Variants in DAB1 observed in about 807,000 individuals in gnomAD.
The protein encoded by DAB1 is DAB adaptor protein 1.
DAB1 carries 15 observed loss-of-function variants against 64.6 expected under a neutral mutation model. The ratio of observed to expected loss-of-function variants is 0.23; its 90% CI spans 0.16 to 0.36. The LOEUF is 0.36. DAB1 is among the 10% of genes least tolerant of loss of function. The probability of loss-of-function intolerance (pLI) is 1.00; values close to 1 mark genes in which losing one functional copy is unlikely to be tolerated. For missense variants in DAB1, 596 were observed against 706.7 expected, an observed-to-expected ratio of 0.84 and a Z score of 1.78; for synonymous variants, 235 against 251.9, an observed-to-expected ratio of 0.93 and a Z score of 0.64.
intron 2 of DAB1, among the ~76,000 whole-genome samples, chr1:57,265,336 A>C (rs1413614831): frequency 6.6e-6 from 1 of 152,074 alleles, no homozygotes; most frequent in Non-Finnish European, 1.5e-5. Flanking sequence ...TTATGGACCT[A>C]ATTGTCAGTT....
At chr1:58,303,081 C>T (rs147738145) in intron 4 of DAB1, among the ~76,000 whole-genome samples, 14 of 152,248 alleles carry the variant, frequency 9.2e-5, no homozygotes, top group Admixed American at 5.2e-4. Context: ...AAGAGGAAGA[C>T]GCTGGAAATT....
intron 4 of DAB1, among the ~76,000 whole-genome samples, chr1:58,304,345 A>G (rs942028857): frequency 4.6e-5 from 7 of 152,172 alleles, no homozygotes; most frequent in Non-Finnish European, 1.0e-4. Flanking sequence ...TCTTAAAACA[A>G]AAGTTCCTAA....
At chr1:57,128,155 AT>A (rs1262443462) in intron 4 of DAB1, among the ~76,000 whole-genome samples, 1 of 79,164 alleles carries the variant, frequency 1.3e-5, no homozygotes, top group African/African-American at 1.0e-4. Context: ...AAAAATAAAA[AT>A]AAATAAATAA....
chr1:58,529,847 T>C (rs9660901), intron 1 of DAB1, among the ~76,000 whole-genome samples: 88,441 of 152,120 alleles, frequency 0.58, 27,984 homozygotes, highest in East Asian at 0.82. Context: ...TGAGAGGATG[T>C]GCATAGTTAC....
intron 7 of DAB1, among the ~76,000 whole-genome samples, chr1:57,608,330 C>G (rs549417376): frequency 6.6e-6 from 1 of 152,216 alleles, no homozygotes; most frequent in African/African-American, 2.4e-5. Flanking sequence ...GATTTTCTCT[C>G]CCATGTGTAA....
At chr1:58,009,808 G>T (rs1208841490) in intron 5 of DAB1, among the ~76,000 whole-genome samples, 2 of 152,008 alleles carry the variant, frequency 1.3e-5, no homozygotes, top group Non-Finnish European at 2.9e-5. Context: ...GAAACTCAAG[G>T]TTTAGTGAAT....
At chr1:57,011,571 C>T (rs1646267476) in intron 12 of DAB1, among the ~76,000 whole-genome samples, 1 of 152,204 alleles carries the variant, frequency 6.6e-6, no homozygotes, top group African/African-American at 2.4e-5. Flanking sequence ...ATGAAATTTT[C>T]TGACCCTACC....
At chr1:57,460,779 G>A (rs921222695) in intron 7 of DAB1, among the ~76,000 whole-genome samples, 4 of 152,124 alleles carry the variant, frequency 2.6e-5, no homozygotes, top group African/African-American at 9.7e-5. Flanking sequence ...GGAAGGTCCT[G>A]CAGACCCCAG....
chr1:57,313,278 C>G lies in DAB1; in HGVS notation c.-136-22112G>C, dbSNP rs545143754. 1.1e-4 allele frequency among the ~76,000 whole-genome samples: 16 copies of G among 152,298 alleles called. 1 individual carries two copies. The South Asian group carries it at 3.1e-3, about 30-fold the overall frequency. On this transcript the variant is annotated intron_variant, in intron 1 of 14. Transcript: ENST00000371236. ...CTCCTGCACGGCTTTGAATGAGCTG[C>G]AACTTCCCCGAGCCCTAGCCTGGTC...
intron 4 of DAB1, among the ~76,000 whole-genome samples, chr1:57,075,854 C>A (rs1253144449): frequency 6.6e-6 from 1 of 152,160 alleles, no homozygotes; most frequent in Non-Finnish European, 1.5e-5. Flanking sequence ...TTTCCTTAGA[C>A]TTTTGGCTCC....
intron 4 of DAB1, among the ~76,000 whole-genome samples, chr1:57,128,059 A>G (rs1657300145): frequency 6.6e-6 from 1 of 152,196 alleles, no homozygotes; most frequent in African/African-American, 2.4e-5. Flanking sequence ...AGGCATGAGA[A>G]TCGCTTGAAC....
At chr1:57,695,147 C>T (rs924582453) in intron 6 of DAB1, among the ~76,000 whole-genome samples, 19 of 151,360 alleles carry the variant, frequency 1.3e-4, no homozygotes, top group African/African-American at 3.2e-4. Context: ...TGGCTTGAGC[C>T]GGGGAGGTAG....
At chr1:58,440,686 A>G (rs1239310574) in intron 3 of DAB1, among the ~76,000 whole-genome samples, 1 of 152,232 alleles carries the variant, frequency 6.6e-6, no homozygotes, top group Non-Finnish European at 1.5e-5. Flanking sequence ...ATTCTCACTA[A>G]GTGGCAGGCA....
At chr1:57,343,541 C>T (rs892689915) in intron 1 of DAB1, among the ~76,000 whole-genome samples, 3 of 152,334 alleles carry the variant, frequency 2.0e-5, no homozygotes, top group South Asian at 2.1e-4. Flanking sequence ...CAAGAGCCCA[C>T]GGAGGTCGGG....
At chr1:58,290,382 G>T (rs1569607297) in intron 4 of DAB1, among the ~76,000 whole-genome samples, 1 of 152,140 alleles carries the variant, frequency 6.6e-6, no homozygotes, top group African/African-American at 2.4e-5. Context: ...AACAGTATGA[G>T]CAAGTCATAA....
At chr1:57,406,226 A>G (rs1308790949) in intron 1 of DAB1, among the ~76,000 whole-genome samples, 5 of 152,206 alleles carry the variant, frequency 3.3e-5, no homozygotes, top group Admixed American at 3.3e-4. Context: ...AGTATTCAGA[A>G]CATACTTAAT....
intron 1 of DAB1, among the ~76,000 whole-genome samples, chr1:57,852,678 A>C (rs1653584289): frequency 6.6e-6 from 1 of 152,010 alleles, no homozygotes; most frequent in Non-Finnish European, 1.5e-5. Context: ...CCCAGATTTT[A>C]ATCACTACAT....
chr1:57,360,976 C>T (rs886344025), intron 1 of DAB1, among the ~76,000 whole-genome samples: 1 of 152,074 alleles, frequency 6.6e-6, no homozygotes, highest in Admixed American at 6.6e-5. Context: ...CAGCCCCTCC[C>T]GCAGCCTTCC....
chr1:57,653,647 C>T (rs1362239654), intron 6 of DAB1, among the ~76,000 whole-genome samples: 1 of 152,072 alleles, frequency 6.6e-6, no homozygotes. Context: ...GAGTCTCGCT[C>T]TGCCACCCAG....
Sources: gnomAD v4.1 joint callset for allele counts (sites outside exome capture counted in the v4.1 genomes callset) on GRCh38, gnomAD v4.1.1 for gene constraint, MANE v1.5 for transcripts, NCBI Gene and HGNC (gene_info 2026-07-23, HGNC 2026-07-21) for gene names.